The following COP1 variants were observed in gnomAD, a reference collection of about 807,000 sequenced individuals.
COP1 encodes E3 ubiquitin-protein ligase COP1.
A neutral mutation model predicts 101.3 loss-of-function variants in COP1; 24 were observed. That is an observed-to-expected ratio of 0.24 (90% CI 0.17 to 0.33). The LOEUF (loss-of-function observed/expected upper bound fraction) is 0.33, where lower values mean the gene tolerates loss of function less well. Ranked by LOEUF, COP1 falls within the 10% of genes least tolerant of loss-of-function variation. The probability of loss-of-function intolerance (pLI) is 1.00; values close to 1 mark genes in which losing one functional copy is unlikely to be tolerated. For synonymous variants in COP1, 347 were observed against 341.9 expected (o/e 1.01, Z -0.17); for missense variants, 663 against 906.2 (o/e 0.73, Z 3.45).
chr1:176,125,094 T>A (rs1270689011), intron 8 of COP1, among the ~76,000 whole-genome samples: 1 of 104,158 alleles, frequency 9.6e-6, no homozygotes, highest in Non-Finnish European at 2.2e-5. Flanking sequence ...CATTTTTAAA[T>A]GATTATTCGA....
chr1:176,034,471 C>A (rs1374144787), intron 14 of COP1, among the ~76,000 whole-genome samples: 2 of 152,142 alleles, frequency 1.3e-5, no homozygotes, highest in Non-Finnish European at 2.9e-5. Flanking sequence ...TTATATTTTT[C>A]TTATTTATTC....
intron 9 of COP1, among the ~76,000 whole-genome samples, chr1:176,097,596 C>T (rs1395458488): frequency 6.6e-6 from 1 of 151,934 alleles, no homozygotes; most frequent in Non-Finnish European, 1.5e-5. Context: ...TGGCTGGGTG[C>T]AGCAGCTCAA....
intron 19 of COP1, 78 bp from the exon 20 acceptor site, chr1:175,945,248 T>A: frequency 9.4e-7 from 1 of 1,058,292 alleles, no homozygotes; most frequent in Non-Finnish European, 1.4e-6. Flanking sequence ...TTTACTATAT[T>A]TACCAATAGA....
At chr1:175,971,443 T>C (rs1414719823) in intron 18 of COP1, among the ~76,000 whole-genome samples, 1 of 152,174 alleles carries the variant, frequency 6.6e-6, no homozygotes, top group African/African-American at 2.4e-5. Context: ...TAGCATTTTA[T>C]TATATATAAA....
chr1:175,949,929 A>G (rs573220042), intron 18 of COP1, among the ~76,000 whole-genome samples: 1 of 152,312 alleles, frequency 6.6e-6, no homozygotes, highest in Non-Finnish European at 1.5e-5. Context: ...TTCTGATGGG[A>G]GCAAAACTAG....
intron 11 of COP1, among the ~76,000 whole-genome samples, chr1:176,066,666 C>T (rs979882759): frequency 6.6e-6 from 1 of 152,198 alleles, no homozygotes; most frequent in African/African-American, 2.4e-5. Context: ...AAGACCAGCT[C>T]TGCAGGTCAA....
intron 15 of COP1, among the ~76,000 whole-genome samples, chr1:176,012,493 A>G (rs1052008382): frequency 6.6e-6 from 1 of 152,236 alleles, no homozygotes; most frequent in East Asian, 1.9e-4. Context: ...AAAAAATTAC[A>G]TTAAGCTAAG....
At chr1:176,007,545 G>C (rs75946592) in intron 15 of COP1, among the ~76,000 whole-genome samples, 1 of 147,790 alleles carries the variant, frequency 6.8e-6, no homozygotes, top group East Asian at 2.1e-4. Context: ...TTTCTGTTTG[G>C]TAGTTTTCCT....
intron 9 of COP1, among the ~76,000 whole-genome samples, chr1:176,112,004 CATACAGTGAATCAGAG>C (rs1685375166): frequency 6.6e-6 from 1 of 152,176 alleles, no homozygotes; most frequent in African/African-American, 2.4e-5. Context: ...ATGTACCATG[CATACAGTGAATCAGAG>C]ATTAGTCAGC....
chr1:176,095,970 T>A (rs1324492673), intron 9 of COP1, among the ~76,000 whole-genome samples: 1 of 152,218 alleles, frequency 6.6e-6, no homozygotes, highest in Non-Finnish European at 1.5e-5. Context: ...TTTTTACTAT[T>A]CTGTGACAAA....
chr1:176,083,192 T>A (rs1221831681), intron 10 of COP1, among the ~76,000 whole-genome samples: 1 of 152,224 alleles, frequency 6.6e-6, no homozygotes, highest in Non-Finnish European at 1.5e-5. Context: ...TTATTTAACA[T>A]TCTACATACT....
At chr1:176,158,969 TATA>T (rs1320383290) in intron 5 of COP1, among the ~76,000 whole-genome samples, 5 of 152,074 alleles carry the variant, frequency 3.3e-5, no homozygotes, top group Non-Finnish European at 7.4e-5. Context: ...GATGAAGTAG[TATA>T]ATATTACTTT....
At chr1:176,048,149 T>G (rs1671832368) in intron 11 of COP1, among the ~76,000 whole-genome samples, 1 of 151,866 alleles carries the variant, frequency 6.6e-6, no homozygotes, top group East Asian at 1.9e-4. Flanking sequence ...CTTTACAGCT[T>G]TAAATGCTTC....
chr1:176,006,525 C>G (rs1042448711), intron 15 of COP1, among the ~76,000 whole-genome samples: 9 of 152,126 alleles, frequency 5.9e-5, no homozygotes, highest in Non-Finnish European at 8.8e-5. Flanking sequence ...CCTTCAGGAG[C>G]TCTTTTAGGG....
At chr1:175,993,448 G>C (rs1239155212) in intron 15 of COP1, among the ~76,000 whole-genome samples, 6 of 152,200 alleles carry the variant, frequency 3.9e-5, no homozygotes, top group Middle Eastern at 3.2e-3. Flanking sequence ...ACTACTCTGA[G>C]CTACAGGAGG....
chr1:176,149,134 T>A, intron 5 of COP1, 60 bp from the exon 6 acceptor site: 1 of 1,079,290 alleles, frequency 9.3e-7, no homozygotes, highest in Non-Finnish European at 1.4e-6. Context: ...AAGTTTTCTT[T>A]AACACCATAG....
At chr1:176,051,741 C>T (rs371748359) in intron 11 of COP1, among the ~76,000 whole-genome samples, 21 of 152,028 alleles carry the variant, frequency 1.4e-4, no homozygotes, top group East Asian at 1.9e-4. Context: ...TTCTGTTGAC[C>T]GTGACCGTAT....
chr1:176,127,092 T>C (rs948050665), intron 8 of COP1, among the ~76,000 whole-genome samples: 1 of 152,198 alleles, frequency 6.6e-6, no homozygotes, highest in African/African-American at 2.4e-5. Context: ...AATTTTTATC[T>C]TTAATTGACA....
intron 8 of COP1, among the ~76,000 whole-genome samples, chr1:176,117,217 C>A (rs1235795774): frequency 6.6e-6 from 1 of 152,120 alleles, no homozygotes; most frequent in African/African-American, 2.4e-5. Context: ...ATATTATAAT[C>A]AAACCTCATG....
Sources: gnomAD v4.1 joint callset for allele counts (sites outside exome capture counted in the v4.1 genomes callset) on GRCh38, gnomAD v4.1.1 for gene constraint, MANE v1.5 for transcripts, NCBI Gene and HGNC (gene_info 2026-07-23, HGNC 2026-07-21) for gene names.